The following ATG9B variants were observed in gnomAD, a reference collection of about 807,000 sequenced individuals.
ATG9B encodes autophagy related 9B.
A neutral mutation model predicts 92.9 loss-of-function variants in ATG9B; 92 were observed. The observed-to-expected ratio is 0.99, with a 90% CI of 0.84 to 1.18. The LOEUF (loss-of-function observed/expected upper bound fraction) is 1.18. ATG9B is among the 50% of genes most tolerant of loss of function. ATG9B has a pLI of 0.00. For synonymous variants in ATG9B, 599 were observed against 551.4 expected, an observed-to-expected ratio of 1.09 and a Z score of -1.21; for missense variants, 1,344 against 1,235.0, an observed-to-expected ratio of 1.09 and a Z score of -1.32.
downstream of ATG9B, chr7:151,013,878 TGGAGCTGGACGAGGCCGGCGACGTCATCG>T: frequency 6.2e-7 from 1 of 1,603,030 alleles, no homozygotes; most frequent in Non-Finnish European, 8.5e-7. Context: ...GAGGGCGACA[TGGAGCTGGACGAGGCCGGCGACGTCATCG>T]GCGTGCTGCG....
chr7:151,016,211 CCTGCTG>C lies in ATG9B; in HGVS notation c.2539_2544del (p.Gln847_Gln848del). The stretch of plus-strand genomic sequence containing the variant: ...GAGGCTGCAGCCTCACCCCACGGCT[CCTGCTG>C]CTGCTGCTGCTGGTGAAGCTGCATG... On this transcript the variant is annotated inframe_deletion, in exon 12 of 14. Transcript: ENST00000639579. The C allele has an allele frequency of 5.3e-6, 8 of 1,496,584 alleles. No individual in the cohort carries two copies. Among genetic ancestry groups the C allele is most frequent in the Admixed American group, 2.3e-5 (1 of 43,890 alleles). The allele number at this position is 1,496,584 out of a possible 1,614,324, so 92.7% of individuals were successfully genotyped here. A position where few individuals can be genotyped will look rare whatever the true frequency, so the allele number is the denominator to read the frequency against.
At chr7:151,021,514 C>T (rs953135156) in intron 4 of ATG9B, among the ~76,000 whole-genome samples, 185 bp from the exon 5 acceptor site, 1 of 152,162 alleles carries the variant, frequency 6.6e-6, no homozygotes, top group Admixed American at 6.5e-5. Context: ...CAAAGTCAAA[C>T]TTTTTCCAAA....
chr7:151,016,994 G>A (rs1795519637), intron 9 of ATG9B, 42 bp downstream of exon 9: 2 of 1,548,514 alleles, frequency 1.3e-6, no homozygotes, highest in East Asian at 2.4e-5. Context: ...GAGAGGAGTT[G>A]TGGGGGTGAA....
chr7:151,022,075 T>A (rs1795775841), intron 4 of ATG9B, among the ~76,000 whole-genome samples: 1 of 148,386 alleles, frequency 6.7e-6, no homozygotes, highest in African/African-American at 2.5e-5. Flanking sequence ...AGCTCCTATC[T>A]CCCTGCCAAA....
downstream of ATG9B, chr7:151,012,855 T>C: frequency 3.0e-6 from 1 of 335,732 alleles, no homozygotes; most frequent in South Asian, 4.8e-5. Flanking sequence ...CCCAGGGTGG[T>C]CTGTCAATCA....
chr7:151,020,169 C>G (rs1795694621), intron 5 of ATG9B: 3 of 152,698 alleles, frequency 2.0e-5, no homozygotes, highest in African/African-American at 7.2e-5. Flanking sequence ...GGCTCTGTCA[C>G]CAGAAGCCTT....
At chr7:151,023,532 G>A (rs1327925645) in intron 2 of ATG9B, 23 bp from the exon 3 acceptor site, 4 of 1,612,748 alleles carry the variant, frequency 2.5e-6, no homozygotes, top group African/African-American at 1.3e-5. Context: ...CAAGGAACAA[G>A]CCTGAGGCAC....
intron 5 of ATG9B, 94 bp from the exon 6 acceptor site, chr7:151,019,468 G>T (rs1011054482): frequency 1.3e-5 from 18 of 1,438,226 alleles, no homozygotes; most frequent in Non-Finnish European, 1.6e-5. Flanking sequence ...CTGAAAACCC[G>T]CAAACTGAGT....
Position 151,023,081 on chromosome 7 carries a change from G to A in ATG9B, c.785C>T (p.Ser262Leu), listed in dbSNP as rs758948526. The change falls in exon 4 of 14, where the codon TCA becomes TTA. Residue 262 changes from serine to leucine, a missense_variant. By Grantham distance (145) the Ser-to-Leu change is moderately radical. Coordinates refer to ENST00000639579, the MANE Select transcript of ATG9B (RefSeq NM_001317056.2). ...CTGGGCTGAGGGTAGGATGGCATCT[G>A]ACAGGGTCACTTTGCTGTGGAACGG... is the stretch of plus-strand genomic sequence containing the variant. ...PGPFHSKVTL[S>L]DAILPSAQCA... 19 of 1,614,050 alleles carry A rather than the reference G, an allele frequency of 1.2e-5. No homozygotes were observed. The highest frequency in any genetic ancestry group is 1.6e-5 in the Non-Finnish European group (19 of 1,180,032).
chr7:151,023,380 C>A, intron 3 of ATG9B, 65 bp downstream of exon 3: 1 of 1,604,154 alleles, frequency 6.2e-7, no homozygotes, highest in Non-Finnish European at 8.5e-7. Context: ...ATTAAGGAAG[C>A]AAAATGACAG....
At chr7:151,023,781 C>T (rs749081828) in intron 1 of ATG9B, 51 bp from the exon 2 acceptor site, 55 of 1,612,990 alleles carry the variant, frequency 3.4e-5, no homozygotes, top group African/African-American at 1.5e-4. Flanking sequence ...CAATTCTCCA[C>T]GTTCTCAACC....
downstream of ATG9B, chr7:151,013,685 A>ACCC: frequency 1.4e-6 from 1 of 702,370 alleles, no homozygotes; most frequent in Non-Finnish European, 2.3e-6. Context: ...CCCCGCGCCC[A>ACCC]CCCCCACCAG....
In ATG9B at chr7:151,021,265, G is replaced by A; in HGVS notation, c.886C>T (p.Leu296=). ...AAGAGGTTGCAGACTGAGCGAAGCA[G>A]TTGGACCAGCCAGAAGCCGGCAGCC... ...VLAAGFWLVQ[L]LRSVCNLFSY... Residue 296 remains leucine (L), a synonymous_variant, in exon 5 of 14, where the codon CTG becomes TTG. Coordinates refer to ENST00000639579, the MANE Select transcript of ATG9B (RefSeq NM_001317056.2). 1 of 1,613,442 alleles carries A rather than the reference G, an allele frequency of 6.2e-7. No homozygotes were observed. The highest frequency in any genetic ancestry group is 8.5e-7 in the Non-Finnish European group (1 of 1,179,866).
chr7:151,024,129 T>C lies in ATG9B; in HGVS notation c.295A>G (p.Thr99Ala). 6.3e-7 allele frequency: 1 copy of C among 1,593,384 alleles called. No individual in the cohort carries two copies. Among genetic ancestry groups the C allele is most frequent in the East Asian group, 2.2e-5 (1 of 44,662 alleles). Residue 99 changes from threonine (T) to alanine (A), a missense_variant, in exon 1 of 14, where the codon ACA becomes GCA. By Grantham distance (58) the Thr-to-Ala change is moderately conservative. Transcript: ENST00000639579. ...SALPIPATPP[T>A]QAQPAMTPAS... ...GGTGTCATTGCAGGTTGAGCCTGTG[T>C]TGGGGGGGTGGCTGGGATAGGGAGA...
downstream of ATG9B, chr7:151,012,530 G>A: frequency 1.9e-6 from 3 of 1,567,180 alleles, no homozygotes; most frequent in Non-Finnish European, 8.7e-7. Context: ...GGGACAGAGG[G>A]GTGGGGCTGG....
intron 5 of ATG9B, 44 bp from the exon 6 acceptor site, chr7:151,019,418 C>T: frequency 6.7e-7 from 1 of 1,489,940 alleles, no homozygotes. Flanking sequence ...CCATTCCTCT[C>T]CACAGTGATG....
chr7:151,013,163 C>G, downstream of ATG9B: 1 of 1,533,148 alleles, frequency 6.5e-7, no homozygotes. Context: ...GCGACGGTGG[C>G]CTGTGGGGAG....
rs778480258 is a variant in ATG9B, at chr7:151,023,085, G to T, written c.781C>A (p.Leu261Met). The T allele has an allele frequency of 6.2e-7, 1 of 1,614,148 alleles. No individual in the cohort carries two copies. Among genetic ancestry groups the T allele is most frequent in the South Asian group, 1.1e-5 (1 of 91,080 alleles). The change falls in exon 4 of 14, where the codon CTG becomes ATG. Residue 261 changes from leucine to methionine, a missense_variant. By Grantham distance (15) the Leu-to-Met change is conservative (BLOSUM62 2). Transcript: ENST00000639579. ...GCTGAGGGTAGGATGGCATCTGACA[G>T]GGTCACTTTGCTGTGGAACGGCCCA... is the stretch of plus-strand genomic sequence containing the variant. Reference protein sequence around the residue: ...RPGPFHSKVTLSDAILPSAQC... With the variant: ...RPGPFHSKVTMSDAILPSAQC...
At chr7:151,016,882 TAGGG>T in intron 9 of ATG9B, 61 bp from the exon 10 acceptor site, 1 of 1,550,006 alleles carries the variant, frequency 6.5e-7, no homozygotes. Flanking sequence ...AGAAACGGAG[TAGGG>T]AGGAAGCAGA....
Sources: gnomAD v4.1 joint callset for allele counts (sites outside exome capture counted in the v4.1 genomes callset) on GRCh38, gnomAD v4.1.1 for gene constraint, MANE v1.5 for transcripts, NCBI Gene and HGNC (gene_info 2026-07-23, HGNC 2026-07-21) for gene names.